The following GLIS3 variants were observed in gnomAD, a reference collection of about 807,000 sequenced individuals.
GLIS3 encodes the protein zinc finger protein GLIS3.
Under a neutral mutation model 78.6 loss-of-function variants are expected in GLIS3, and 53 were observed. The ratio of observed to expected loss-of-function variants is 0.67; its 90% CI spans 0.54 to 0.85. The LOEUF is 0.85. GLIS3 is among the 40% of genes least tolerant of loss of function. The pLI is 0.00. For synonymous variants in GLIS3, 684 were observed against 509.9 expected, an observed-to-expected ratio of 1.34 and a Z score of -4.60; for missense variants, 1,703 against 1,231.1, an observed-to-expected ratio of 1.38 and a Z score of -5.74.
the GLIS3 span, among the ~76,000 whole-genome samples, chr9:4,412,155 T>C: frequency 1.3e-5 from 2 of 152,162 alleles, no homozygotes; most frequent in Admixed American, 6.5e-5. Context: ...AAAGCTTAGG[T>C]GGCACTCTTC....
intron 4 of GLIS3, among the ~76,000 whole-genome samples, chr9:3,950,171 T>G (rs79675697): frequency 6.6e-6 from 1 of 152,188 alleles, no homozygotes; most frequent in Non-Finnish European, 1.5e-5. Context: ...AATACTTCTC[T>G]CCATCAATAT....
chr9:4,446,229 G>C, the GLIS3 span, among the ~76,000 whole-genome samples: 2 of 152,152 alleles, frequency 1.3e-5, no homozygotes, highest in Admixed American at 6.6e-5. Context: ...TAAGCCATGA[G>C]GGCTTTTCCC....
At chr9:4,142,202 C>G (rs1166321466) in intron 2 of GLIS3, among the ~76,000 whole-genome samples, 1 of 152,134 alleles carries the variant, frequency 6.6e-6, no homozygotes, top group Non-Finnish European at 1.5e-5. Context: ...TATGTTCTCC[C>G]TAAAATAATA....
chr9:3,921,540 T>A (rs151272526), intron 6 of GLIS3, among the ~76,000 whole-genome samples: 37 of 152,184 alleles, frequency 2.4e-4, no homozygotes, highest in African/African-American at 8.9e-4. Context: ...AAGCTGGAGT[T>A]TAAACAAAAT....
At chr9:4,255,357 C>G (rs192907839) in intron 2 of GLIS3, among the ~76,000 whole-genome samples, 4 of 152,248 alleles carry the variant, frequency 2.6e-5, no homozygotes, top group African/African-American at 9.6e-5. Context: ...GACTGTGCTC[C>G]TTGGTATCAC....
chr9:4,256,751 T>C (rs1282409332), intron 2 of GLIS3, among the ~76,000 whole-genome samples: 1 of 152,190 alleles, frequency 6.6e-6, no homozygotes, highest in African/African-American at 2.4e-5. Flanking sequence ...CAGTAGAATA[T>C]GACTTTTTAA....
chr9:4,025,070 C>T (rs1480676838), intron 4 of GLIS3, among the ~76,000 whole-genome samples: 4 of 147,214 alleles, frequency 2.7e-5, no homozygotes, highest in South Asian at 2.1e-4. Context: ...GTCAAAATGG[C>T]GAGACCCCCA....
chr9:4,466,397 C>A, the GLIS3 span, among the ~76,000 whole-genome samples: 1 of 152,142 alleles, frequency 6.6e-6, no homozygotes, highest in African/African-American at 2.4e-5. Context: ...CCTACACACA[C>A]TTTTTCAGAA....
At chr9:4,018,402 G>C (rs776424273) in intron 4 of GLIS3, among the ~76,000 whole-genome samples, 11 of 152,186 alleles carry the variant, frequency 7.2e-5, no homozygotes, top group Admixed American at 7.2e-4. Flanking sequence ...AAGGAAGAAA[G>C]CAAGATGAAT....
intron 2 of GLIS3, among the ~76,000 whole-genome samples, chr9:4,209,040 T>G (rs553356262): frequency 6.6e-6 from 1 of 152,322 alleles, no homozygotes; most frequent in South Asian, 2.1e-4. Flanking sequence ...CTACTGCTCA[T>G]GCCAGGTGTA....
At chr9:3,873,339 C>G (rs1462965870) in intron 8 of GLIS3, among the ~76,000 whole-genome samples, 1 of 152,016 alleles carries the variant, frequency 6.6e-6, no homozygotes, top group Non-Finnish European at 1.5e-5. Flanking sequence ...GACAAAAAAT[C>G]CTCAATAAAA....
the GLIS3 span, among the ~76,000 whole-genome samples, chr9:4,391,574 T>G: frequency 1.3e-5 from 2 of 151,858 alleles, no homozygotes; most frequent in Non-Finnish European, 2.9e-5. Context: ...TGTGTGTGTG[T>G]GTGTTGGGCT....
chr9:3,925,568 G>C (rs1202897250), intron 6 of GLIS3, among the ~76,000 whole-genome samples: 1 of 152,102 alleles, frequency 6.6e-6, no homozygotes, highest in Admixed American at 6.5e-5. Context: ...TTAGGTGAAT[G>C]GGTGTGTCTA....
intron 2 of GLIS3, among the ~76,000 whole-genome samples, chr9:4,209,402 A>T (rs777594363): frequency 1.4e-4 from 21 of 152,150 alleles, no homozygotes; most frequent in Non-Finnish European, 2.4e-4. Flanking sequence ...AGAGAAACTA[A>T]ACGTCTTGGA....
At chr9:4,273,298 T>G (rs1438039690) in intron 2 of GLIS3, among the ~76,000 whole-genome samples, 1 of 152,136 alleles carries the variant, frequency 6.6e-6, no homozygotes, top group African/African-American at 2.4e-5. Flanking sequence ...GTTTGCCACT[T>G]AAAATGCACT....
the GLIS3 span, among the ~76,000 whole-genome samples, chr9:4,455,310 A>G: frequency 6.6e-6 from 1 of 152,194 alleles, no homozygotes; most frequent in African/African-American, 2.4e-5. Context: ...ATGTGTCACC[A>G]CACTCTTTGT....
the GLIS3 span, among the ~76,000 whole-genome samples, chr9:4,472,594 C>T: frequency 1.8e-4 from 15 of 83,832 alleles, no homozygotes; most frequent in African/African-American, 5.0e-4. Flanking sequence ...ACATCATACA[C>T]GGGGGCCTGT....
chr9:4,446,804 C>T, the GLIS3 span, among the ~76,000 whole-genome samples: 3 of 151,952 alleles, frequency 2.0e-5, no homozygotes, highest in East Asian at 3.9e-4. Flanking sequence ...AGCCACTGCG[C>T]CTGGTCCCAA....
chr9:4,280,071 G>C (rs1379849074), intron 2 of GLIS3, among the ~76,000 whole-genome samples: 1 of 152,142 alleles, frequency 6.6e-6, no homozygotes, highest in Non-Finnish European at 1.5e-5. Context: ...CCAGGCTTGA[G>C]TGCAGTGGCA....
Sources: gnomAD v4.1 joint callset for allele counts (sites outside exome capture counted in the v4.1 genomes callset) on GRCh38, gnomAD v4.1.1 for gene constraint, MANE v1.5 for transcripts, NCBI Gene and HGNC (gene_info 2026-07-23, HGNC 2026-07-21) for gene names.